Variants in PSMA1 observed in about 807,000 individuals in gnomAD.
PSMA1 encodes the protein proteasome 20S subunit alpha 1.
Under a neutral mutation model 38.4 loss-of-function variants are expected in PSMA1, and 3 were observed. The ratio of observed to expected loss-of-function variants is 0.08; its 90% CI spans 0.04 to 0.20. The LOEUF is 0.20. Ranked by LOEUF, PSMA1 falls within the 10% of genes least tolerant of loss-of-function variation. The probability of loss-of-function intolerance (pLI) is 1.00; values close to 1 mark genes in which losing one functional copy is unlikely to be tolerated. For missense variants in PSMA1, 227 were observed against 325.3 expected, an observed-to-expected ratio of 0.70 and a Z score of 2.32; for synonymous variants, 101 against 107.1, an observed-to-expected ratio of 0.94 and a Z score of 0.35.
intron 2 of PSMA1, among the ~76,000 whole-genome samples, chr11:14,605,444 C>A (rs188114217): frequency 1.3e-5 from 2 of 152,108 alleles, no homozygotes; most frequent in African/African-American, 4.8e-5. Context: ...AATACAACGG[C>A]GTGATCTTGG....
intron 1 of PSMA1, among the ~76,000 whole-genome samples, chr11:14,615,455 T>C (rs907626922): frequency 1.3e-5 from 2 of 152,234 alleles, no homozygotes; most frequent in African/African-American, 2.4e-5. Flanking sequence ...TGTAATATTT[T>C]CCTACATCCC....
At chr11:14,540,428 C>T (rs558912360) in intron 2 of PSMA1, among the ~76,000 whole-genome samples, 2 of 152,222 alleles carry the variant, frequency 1.3e-5, no homozygotes, top group East Asian at 1.9e-4. Context: ...TATGGTTCAG[C>T]GCACACTTCC....
At position 14,550,381 on chromosome 11, in the gene PSMA1, C is replaced by G. The variant is rs140649826; in HGVS notation, c.22-31340G>C. Among the ~76,000 whole-genome samples the G allele has an allele frequency of 3.2e-3, 487 of 152,246 alleles. 3 individuals carry two copies. Among genetic ancestry groups the G allele is most frequent in the African/African-American group, 0.011 (456 of 41,542 alleles). On this transcript the variant is annotated intron_variant, in intron 2 of 10. Transcript: ENST00000418988. ...AAAAACTTCAGTTTATCATATACTG[C>G]CTTTGGAATCCTAAAATTGTAGTGG...
upstream of PSMA1, among the ~76,000 whole-genome samples, chr11:14,521,859 T>A (rs115662912): frequency 9.1e-4 from 138 of 152,254 alleles, no homozygotes; most frequent in African/African-American, 2.5e-3. Context: ...GGTTACCTTC[T>A]CTAATTCATC....
At chr11:14,608,906 C>A (rs947558966) in intron 2 of PSMA1, among the ~76,000 whole-genome samples, 6 of 151,910 alleles carry the variant, frequency 3.9e-5, no homozygotes, top group African/African-American at 1.2e-4. Context: ...AAATCAAATT[C>A]TTTTGACTTT....
intron 2 of PSMA1, among the ~76,000 whole-genome samples, chr11:14,575,939 A>C (rs1852208126): frequency 6.6e-6 from 1 of 152,118 alleles, no homozygotes; most frequent in Non-Finnish European, 1.5e-5. Context: ...CTGACTTTTT[A>C]ATGATCACCA....
At chr11:14,537,173 A>C (rs933197561) in intron 2 of PSMA1, among the ~76,000 whole-genome samples, 2 of 152,188 alleles carry the variant, frequency 1.3e-5, no homozygotes, top group Non-Finnish European at 2.9e-5. Flanking sequence ...CTTTAAAACT[A>C]ATGTTTTCTA....
chr11:14,523,380 A>G (rs934094610), upstream of PSMA1, among the ~76,000 whole-genome samples: 8 of 151,830 alleles, frequency 5.3e-5, no homozygotes, highest in Non-Finnish European at 1.0e-4. Context: ...AAGCCATCCT[A>G]TTGCCTCAGC....
intron 2 of PSMA1, among the ~76,000 whole-genome samples, chr11:14,600,954 G>C (rs1321150554): frequency 1.2e-4 from 19 of 152,068 alleles, no homozygotes; most frequent in Admixed American, 1.2e-3. Flanking sequence ...TTTTTGTTTA[G>C]TATTCTTATG....
intron 1 of PSMA1, among the ~76,000 whole-genome samples, chr11:14,623,842 G>T (rs532286422): frequency 7.9e-5 from 12 of 152,304 alleles, no homozygotes; most frequent in African/African-American, 2.9e-4. Flanking sequence ...CAGCAACAGA[G>T]ATCAATGCTG....
chr11:14,629,868 T>G (rs1852975387), intron 1 of PSMA1, among the ~76,000 whole-genome samples: 1 of 152,192 alleles, frequency 6.6e-6, no homozygotes, highest in African/African-American at 2.4e-5. Flanking sequence ...TAGTTCTTCT[T>G]GAAGAGGTCC....
At chr11:14,628,300 A>ATT (rs1852943164) in intron 1 of PSMA1, among the ~76,000 whole-genome samples, 1 of 4,034 alleles carries the variant, frequency 2.5e-4, no homozygotes, top group Non-Finnish European at 7.1e-4. Flanking sequence ...TATATCTCCC[A>ATT]ACTAGTCGCT....
At chr11:14,548,752 AAATT>A (rs1589989676) in intron 2 of PSMA1, among the ~76,000 whole-genome samples, 2 of 152,226 alleles carry the variant, frequency 1.3e-5, no homozygotes, top group Middle Eastern at 3.2e-3. Context: ...GAACATAAAT[AAATT>A]AATTCGCATC....
chr11:14,581,450 T>A (rs1852280925), intron 2 of PSMA1, among the ~76,000 whole-genome samples: 1 of 152,190 alleles, frequency 6.6e-6, no homozygotes. Context: ...GATATGATAA[T>A]ACCAGTACAT....
chr11:14,574,614 C>T (rs557360155), intron 2 of PSMA1, among the ~76,000 whole-genome samples: 1 of 152,138 alleles, frequency 6.6e-6, no homozygotes. Context: ...GGGTGGTTAC[C>T]CCCATCTCCT....
intron 2 of PSMA1, among the ~76,000 whole-genome samples, chr11:14,548,221 A>C (rs1851848656): frequency 6.6e-6 from 1 of 152,132 alleles, no homozygotes; most frequent in South Asian, 2.1e-4. Flanking sequence ...GGACTATTGC[A>C]GTAAGTGGTA....
intron 2 of PSMA1, among the ~76,000 whole-genome samples, chr11:14,583,087 C>T (rs1852301971): frequency 1.3e-5 from 2 of 152,230 alleles, no homozygotes; most frequent in South Asian, 2.1e-4. Flanking sequence ...AACAAACTTA[C>T]AGGGACCATT....
rs746135343 is a variant in PSMA1, at chr11:14,510,880, T to C, written c.616A>G (p.Thr206Ala). The C allele has an allele frequency of 6.2e-7, 1 of 1,601,626 alleles. No individual in the cohort carries two copies. The highest frequency in any genetic ancestry group is 8.5e-7 in the Non-Finnish European group (1 of 1,173,726). ...RETLPAEQDL[T>A]TKNVSIGIVG... ...GAAAAGACAATACTTACCTTTGTAG[T>C]CAGGTCCTGTTCTGCAGGAAGCGTC... Residue 206 changes from threonine to alanine, a missense_variant, in exon 8 of 10, where the codon ACT becomes GCT. By Grantham distance (58) the Thr-to-Ala change is moderately conservative. Transcript: ENST00000396394.
At chr11:14,524,667 A>G (rs1008451207), upstream of PSMA1, among the ~76,000 whole-genome samples, 2 of 152,300 alleles carry the variant, frequency 1.3e-5, no homozygotes, top group Non-Finnish European at 2.9e-5. Context: ...CCTGTTTGGT[A>G]GTCTCTTCAC....
Sources: gnomAD v4.1 joint callset for allele counts (sites outside exome capture counted in the v4.1 genomes callset) on GRCh38, gnomAD v4.1.1 for gene constraint, MANE v1.5 for transcripts, NCBI Gene and HGNC (gene_info 2026-07-23, HGNC 2026-07-21) for gene names.